Variants in MFSD6 observed in about 807,000 individuals in gnomAD.
MFSD6 encodes the protein major facilitator superfamily domain-containing protein 6.
MFSD6 carries 26 observed loss-of-function variants against 56.3 expected under a neutral mutation model. That is an observed-to-expected ratio of 0.46 (90% CI 0.34 to 0.64). The LOEUF (loss-of-function observed/expected upper bound fraction) is 0.64, where lower values mean the gene tolerates loss of function less well. Ranked by LOEUF, MFSD6 falls within the 30% of genes least tolerant of loss-of-function variation. The pLI, the probability that MFSD6 is intolerant of heterozygous loss-of-function variation, is 0.01. For missense variants in MFSD6, 750 were observed against 986.2 expected (o/e 0.76, Z 3.21); for synonymous variants, 331 against 366.9 (o/e 0.90, Z 1.12).
rs115941654 is a variant in MFSD6, at chr2:190,496,231, A to G, written c.1892-1208A>G. The stretch of plus-strand genomic sequence containing the variant: ...ACAAATGGCCAACAAACATGAAACA[A>G]TGGTCAACATCACTAGTGATCAGGG... On this transcript the variant is annotated intron_variant, in intron 6 of 7. Coordinates refer to ENST00000392328, the MANE Select transcript of MFSD6 (RefSeq NM_017694.4). The surrounding 1 kb of genome is among the most constrained non-coding windows in gnomAD (Gnocchi z 4.7). 0.011 allele frequency among the ~76,000 whole-genome samples: 1,716 copies of G among 152,302 alleles called. 38 individuals carry two copies. The highest frequency in any genetic ancestry group is 0.038 in the African/African-American group (1,574 of 41,558).
At position 190,488,806 on chromosome 2, in the gene MFSD6, G is replaced by T. The variant is rs1054922661; in HGVS notation, c.1780G>T (p.Val594Phe). ...GCGAMIGGVL[V>F]NYFGAAATFR... ...TGGTGCCATGATCGGAGGCGTGTTA[G>T]TCAATTATTTTGGTAAGAATGGCTT... Residue 594 changes from valine (V) to phenylalanine (F), a missense_variant, in exon 5 of 8, where the codon GTC (valine) becomes TTC (phenylalanine). This residue lies in a region of MFSD6 where 125 missense variants were observed against 223.1 expected (regional missense o/e 0.56). Transcript: ENST00000392328. The surrounding 1 kb of genome is among the most constrained non-coding windows in gnomAD (Gnocchi z 6.4). 6.4e-7 allele frequency: 1 copy of T among 1,567,772 alleles called. No individual in the cohort carries two copies. Among genetic ancestry groups the T allele is most frequent in the Non-Finnish European group, 8.6e-7 (1 of 1,163,168 alleles).
At chr2:190,430,788 G>A (rs569465054) in intron 2 of MFSD6, among the ~76,000 whole-genome samples, 28 of 151,376 alleles carry the variant, frequency 1.8e-4, no homozygotes, top group Non-Finnish European at 2.1e-4. Flanking sequence ...GCGGCCGGGC[G>A]GGCAGAGGCG....
rs1289492578 is a variant in MFSD6 at position 190,487,051 on chromosome 2, T to C, written c.1631-1606T>C. On this transcript the variant is annotated intron_variant, in intron 4 of 7. Coordinates refer to ENST00000392328, the MANE Select transcript of MFSD6 (RefSeq NM_017694.4). This position sits in a 1 kb window ranked among gnomAD's most constrained non-coding sequence, Gnocchi z 5.5. ...TGCACTCATTTTTTTAACTGAACTA[T>C]ATATTAAGAAGCATGGCTGGGTGCA... 6.6e-6 allele frequency among the ~76,000 whole-genome samples: 1 copy of C among 152,160 alleles called. No individual in the cohort carries two copies. The highest frequency in any genetic ancestry group is 2.4e-5 in the African/African-American group (1 of 41,436).
chr2:190,421,974 CCTAA>C (rs1327098791), intron 2 of MFSD6, among the ~76,000 whole-genome samples: 1 of 152,074 alleles, frequency 6.6e-6, no homozygotes, highest in Non-Finnish European at 1.5e-5. Context: ...AATGAGAAAG[CCTAA>C]CTTTCTCATT....
In MFSD6 at chr2:190,488,799, C is replaced by T. The variant is rs377532635; in HGVS notation, c.1773C>T (p.Gly591=). 2 of 1,576,716 alleles carry T rather than the reference C, an allele frequency of 1.3e-6. No individual in the cohort carries two copies. Among genetic ancestry groups the T allele is most frequent in the East Asian group, 2.3e-5 (1 of 43,456 alleles). The change falls in exon 5 of 8, where the codon GGC becomes GGT. Residue 591 remains glycine (G), a synonymous_variant. Transcript: ENST00000392328. This position sits in a 1 kb window ranked among gnomAD's most constrained non-coding sequence, Gnocchi z 6.4. The stretch of plus-strand genomic sequence containing the variant: ...GAGGATGTGGTGCCATGATCGGAGG[C>T]GTGTTAGTCAATTATTTTGGTAAGA... ...LGRGCGAMIG[G]VLVNYFGAAA... is the part of the protein sequence containing the mutation.
At chr2:190,474,797 G>C (rs79431248) in intron 4 of MFSD6, among the ~76,000 whole-genome samples, 65,848 of 151,914 alleles carry the variant, frequency 0.43, 14,663 homozygotes, top group South Asian at 0.52. Flanking sequence ...TCCTGATGAA[G>C]ATAGATGCAA....
At position 190,463,817 on chromosome 2, in the gene MFSD6, C is replaced by T; in HGVS notation, c.1533-5941C>T. On this transcript the variant is annotated intron_variant, in intron 3 of 7. Coordinates refer to ENST00000392328, the MANE Select transcript of MFSD6 (RefSeq NM_017694.4). This position sits in a 1 kb window ranked among gnomAD's most constrained non-coding sequence, Gnocchi z 4.4. ...CCTGGGTAACAGAGCAAGACCCTGT[C>T]TCAAAAATAAATAAATAAATAAAAT... is the stretch of plus-strand genomic sequence containing the variant. 1.1e-6 allele frequency: 1 copy of T among 926,768 alleles called. No individual in the cohort carries two copies. Among genetic ancestry groups the T allele is most frequent in the Non-Finnish European group, 1.3e-6 (1 of 776,726 alleles). The allele number at this position is 926,768 out of a possible 1,614,324, so 57.4% of individuals were successfully genotyped here.
chr2:190,473,936 G>C (rs1315952319), intron 4 of MFSD6, among the ~76,000 whole-genome samples: 1 of 152,146 alleles, frequency 6.6e-6, no homozygotes, highest in Non-Finnish European at 1.5e-5. Flanking sequence ...CAAGTACATG[G>C]AAACTGAACA....
intron 4 of MFSD6, among the ~76,000 whole-genome samples, chr2:190,476,529 G>T (rs530216221): frequency 4.5e-4 from 68 of 152,254 alleles, no homozygotes; most frequent in African/African-American, 1.6e-3. Context: ...AATTAGAATG[G>T]CAATCATTAA....
rs1309346956 is a variant in MFSD6, at chr2:190,454,363, T to C, written c.1533-15395T>C. The stretch of plus-strand genomic sequence containing the variant: ...GGACTGAATGGTGTCCCCCACCTCC[T>C]TTATATATTCAAGTCCTGACCCCCA... On this transcript the variant is annotated intron_variant, in intron 3 of 7. Transcript: ENST00000392328. This position sits in a 1 kb window ranked among gnomAD's most constrained non-coding sequence, Gnocchi z 4.6. 6.6e-6 allele frequency: 1 copy of C among 152,194 alleles called. No individual in the cohort carries two copies. Among genetic ancestry groups the C allele is most frequent in the Non-Finnish European group, 1.5e-5 (1 of 68,070 alleles). The allele number at this position is 152,194 out of a possible 1,614,324, so 9.4% of individuals were successfully genotyped here. A position where few individuals can be genotyped will look rare whatever the true frequency, so the allele number is the denominator to read the frequency against.
Position 190,491,324 on chromosome 2 carries a change from C to T in MFSD6, c.1891+1458C>T, listed in dbSNP as rs949875869. Among the ~76,000 whole-genome samples, 16 of 152,194 alleles carry T rather than the reference C, an allele frequency of 1.1e-4. No homozygotes were observed. Among genetic ancestry groups the T allele is most frequent in the Admixed American group, 9.8e-4 (15 of 15,276 alleles). On this transcript the variant is annotated intron_variant, in intron 6 of 7. Coordinates refer to ENST00000392328, the MANE Select transcript of MFSD6 (RefSeq NM_017694.4). The surrounding 1 kb of genome is among the most constrained non-coding windows in gnomAD (Gnocchi z 4.2). ...CCGAGTAGCATGTGGAGACTTGCAT[C>T]ATGCTTTTGCTCCAGAACTACTGCA...
intron 3 of MFSD6, chr2:190,464,998 C>T (rs748558037): frequency 1.4e-6 from 1 of 704,214 alleles, no homozygotes; most frequent in Non-Finnish European, 1.7e-6. Flanking sequence ...TTAGGAATTA[C>T]AGAATGACTC....
intron 3 of MFSD6, among the ~76,000 whole-genome samples, chr2:190,468,541 C>T (rs534783109): frequency 2.0e-5 from 3 of 151,636 alleles, no homozygotes; most frequent in African/African-American, 7.3e-5. Flanking sequence ...CAGCCTAGAC[C>T]TCCCAGGCTC....
In MFSD6 at chr2:190,410,839, C is replaced by T. The variant is rs1261595165; in HGVS notation, c.-176+2336C>T. On this transcript the variant is annotated intron_variant, in intron 1 of 7. Coordinates refer to ENST00000392328, the MANE Select transcript of MFSD6 (RefSeq NM_017694.4). The surrounding 1 kb of genome is among the most constrained non-coding windows in gnomAD (Gnocchi z 4.4). Reference sequence around the variant, plus strand: ...TTGGGAGGCCGAGGCAGGTGGATCACGAAGTCAGGAGTTCAAGACCAGCCT... The same window carrying T: ...TTGGGAGGCCGAGGCAGGTGGATCATGAAGTCAGGAGTTCAAGACCAGCCT... Among the ~76,000 whole-genome samples the T allele has an allele frequency of 1.4e-5, 2 of 147,068 alleles. No individual in the cohort carries two copies. The highest frequency in any genetic ancestry group is 3.0e-5 in the Non-Finnish European group (2 of 66,748).
In MFSD6 at chr2:190,426,294, C is replaced by T. The variant is rs1029344911; in HGVS notation, c.-53-9683C>T. On this transcript the variant is annotated intron_variant, in intron 2 of 7. Transcript: ENST00000392328. This position sits in a 1 kb window ranked among gnomAD's most constrained non-coding sequence, Gnocchi z 4.7. ...CTATTGTTCTGTATCCCAATTCACT[C>T]ATTAATCCCTCTGTCCCCTTTATTC... 3.3e-5 allele frequency among the ~76,000 whole-genome samples: 5 copies of T among 152,142 alleles called. No individual in the cohort carries two copies. The highest frequency in any genetic ancestry group is 4.8e-5 in the African/African-American group (2 of 41,422).
At position 190,470,959 on chromosome 2, in the gene MFSD6, A is replaced by G. The variant is rs1168578189; in HGVS notation, c.1630+1104A>G. On this transcript the variant is annotated intron_variant, in intron 4 of 7. Coordinates refer to ENST00000392328, the MANE Select transcript of MFSD6 (RefSeq NM_017694.4). ...TCAGATTTGATGCAATGGTGTAGCT[A>G]GTAAAAGGAGATTCTGTTTACAAAT... Among the ~76,000 whole-genome samples the G allele has an allele frequency of 2.0e-5, 3 of 152,176 alleles. No homozygotes were observed. The East Asian group carries it at 5.8e-4, about 29-fold the overall frequency.
chr2:190,449,074 G>T (rs1255036013), intron 3 of MFSD6, among the ~76,000 whole-genome samples: 4 of 152,234 alleles, frequency 2.6e-5, no homozygotes, highest in Middle Eastern at 6.8e-3. Context: ...TCTATATTTT[G>T]CCCTAAATGG....
rs756849955 is a variant in MFSD6, at chr2:190,415,613, CTAAT to C, written c.-54+203_-54+206del. ...CTAAGTAATAAACCTTTTTCTGAAA[CTAAT>C]TATATCATTAGAATTGATAGCTTAT... On this transcript the variant is annotated intron_variant, in intron 2 of 7. Transcript: ENST00000392328. The surrounding 1 kb of genome is among the most constrained non-coding windows in gnomAD (Gnocchi z 4.5). 6.6e-6 allele frequency among the ~76,000 whole-genome samples: 1 copy of C among 152,084 alleles called. No homozygotes were observed. The highest frequency in any genetic ancestry group is 1.5e-5 in the Non-Finnish European group (1 of 68,028).
chr2:190,421,131 A>G (rs1353483450), intron 2 of MFSD6, among the ~76,000 whole-genome samples: 15 of 152,212 alleles, frequency 9.9e-5, no homozygotes, highest in Admixed American at 9.8e-4. Context: ...AATGTAAGAT[A>G]TTTCCATTTT....
Sources: gnomAD v4.1 joint callset for allele counts (sites outside exome capture counted in the v4.1 genomes callset) on GRCh38, gnomAD v4.1.1 for gene constraint, gnomAD v4.1.1 regional missense constraint, Gnocchi (gnomAD v3.1) non-coding constraint, MANE v1.5 for transcripts, NCBI Gene and HGNC (gene_info 2026-07-23, HGNC 2026-07-21) for gene names.